The following SLC9A7 variants were observed in gnomAD, a reference collection of about 807,000 sequenced individuals.
SLC9A7 encodes sodium/hydrogen exchanger 7.
In SLC9A7, 19 loss-of-function variants were observed where a neutral mutation model predicts 52.6. The observed-to-expected ratio is 0.36, with a 90% CI of 0.25 to 0.53. The LOEUF (loss-of-function observed/expected upper bound fraction) is 0.53. SLC9A7 is among the 20% of genes least tolerant of loss of function. The pLI, the probability that SLC9A7 is intolerant of heterozygous loss-of-function variation, is 0.91. For synonymous variants in SLC9A7, 226 were observed against 252.1 expected (o/e 0.90, Z 0.98); for missense variants, 455 against 597.9 (o/e 0.76, Z 2.49).
At chrX:46,614,182 A>G (rs1162843720) in intron 15 of SLC9A7, among the ~76,000 whole-genome samples, 1 of 111,638 alleles carries the variant, frequency 9.0e-6, no homozygotes, top group Admixed American at 9.5e-5. Context: ...TTACATCCCA[A>G]TAAGCCCATT....
At chrX:46,625,588 T>A (rs188347562) in intron 14 of SLC9A7, among the ~76,000 whole-genome samples, 46 of 109,941 alleles carry the variant, frequency 4.2e-4, no homozygotes, top group Non-Finnish European at 6.8e-4. Context: ...CACACACCTG[T>A]AATCCCAGCT....
Position 46,606,939 on chromosome X carries a change from C to T in SLC9A7, c.*13G>A. 8.3e-7 allele frequency: 1 copy of T among 1,211,305 alleles called. No homozygotes were observed. Among genetic ancestry groups the T allele is most frequent in the Non-Finnish European group, 1.1e-6 (1 of 895,241 alleles). On this transcript the variant is annotated 3_prime_UTR_variant, in exon 17 of 17. Coordinates refer to ENST00000616978, the MANE Select transcript of SLC9A7 (RefSeq NM_001257291.2). ...GGGAGCCTACCCCATCGCGCCAGGGCTTGGGGGGAAAGTCAAGCATTATCT... is the reference window on the plus strand; with the variant it reads ...GGGAGCCTACCCCATCGCGCCAGGGTTTGGGGGGAAAGTCAAGCATTATCT...
At chrX:46,680,266 T>C (rs1326880338) in intron 2 of SLC9A7, among the ~76,000 whole-genome samples, 1 of 108,731 alleles carries the variant, frequency 9.2e-6, no homozygotes, top group Non-Finnish European at 1.9e-5. Flanking sequence ...GGAGAATCGC[T>C]TGAACCCAGG....
chrX:46,665,820 G>A (rs1264029460), intron 5 of SLC9A7, among the ~76,000 whole-genome samples: 1 of 109,002 alleles, frequency 9.2e-6, no homozygotes, highest in Non-Finnish European at 1.9e-5. Flanking sequence ...GTTCTCTGGT[G>A]GCTGCCTAGG....
chrX:46,639,795 C>CAAAAAAAAAAAA (rs57733200), intron 12 of SLC9A7, among the ~76,000 whole-genome samples: 1 of 90,307 alleles, frequency 1.1e-5, no homozygotes, highest in Non-Finnish European at 2.2e-5. Context: ...AAGAATCTAC[C>CAAAAAAAAAAAA]AAAAAAAAAA....
At chrX:46,692,479 T>C (rs1944393793) in intron 1 of SLC9A7, among the ~76,000 whole-genome samples, 1 of 111,160 alleles carries the variant, frequency 9.0e-6, no homozygotes, top group Non-Finnish European at 1.9e-5. Context: ...ACTCATTTTA[T>C]CCAGATCTCA....
rs929853291 is a variant in SLC9A7 at position 46,633,366 on chromosome X, A to C, written c.1677-1717T>G. 4.5e-4 allele frequency among the ~76,000 whole-genome samples: 44 copies of C among 97,077 alleles called. 1 individual carries two copies. The South Asian group carries it at 0.011, about 25-fold the overall frequency. 84.3% of individuals were successfully genotyped at this position (97,077 alleles called of 115,157 possible). A position where few individuals can be genotyped will look rare whatever the true frequency, so the allele number is the denominator to read the frequency against. The stretch of plus-strand genomic sequence containing the variant: ...AAAAAAAAAAAAAAAAAAAAAAAAA[A>C]AAAAAAAAAAAAAAACAGATCGGGG... On this transcript the variant is annotated intron_variant, in intron 13 of 16. Transcript: ENST00000616978.
intron 14 of SLC9A7, among the ~76,000 whole-genome samples, chrX:46,630,919 C>T (rs766075375): frequency 5.3e-5 from 6 of 112,531 alleles, no homozygotes; most frequent in African/African-American, 1.6e-4. Context: ...AATCCAACTA[C>T]CCAGCAGCCA....
At position 46,607,212 on chromosome X, in the gene SLC9A7, T is replaced by C. The variant is rs1942762674; in HGVS notation, c.1930-9A>G. ...CTCAGTGGCTCTTGGTTCTGAAAAG[T>C]GCAACCAACAACAACAACAAAAATG... is the stretch of plus-strand genomic sequence containing the variant. On this transcript the variant is annotated splice_polypyrimidine_tract_variant and intron_variant, in intron 16 of 16. Transcript: ENST00000616978. 8.3e-6 allele frequency: 10 copies of C among 1,206,269 alleles called. No individual in the cohort carries two copies. Among genetic ancestry groups the C allele is most frequent in the Non-Finnish European group, 1.1e-5 (10 of 892,321 alleles).
At chrX:46,649,701 T>A (rs765842599) in intron 10 of SLC9A7, among the ~76,000 whole-genome samples, 25 of 112,563 alleles carry the variant, frequency 2.2e-4, no homozygotes, top group African/African-American at 7.4e-4. Context: ...ATCTTCTCTG[T>A]CTCCTGCAGG....
intron 15 of SLC9A7, among the ~76,000 whole-genome samples, chrX:46,615,262 C>T (rs763258236): frequency 3.6e-5 from 4 of 112,048 alleles, no homozygotes; most frequent in Non-Finnish European, 5.6e-5. Flanking sequence ...AGGATGGTCT[C>T]GATCTCTTGA....
intron 14 of SLC9A7, among the ~76,000 whole-genome samples, chrX:46,624,336 T>C (rs955904976): frequency 8.9e-6 from 1 of 111,999 alleles, no homozygotes; most frequent in African/African-American, 3.3e-5. Context: ...CCTTAACCTG[T>C]GGGATCTGAC....
intron 1 of SLC9A7, among the ~76,000 whole-genome samples, chrX:46,694,628 C>T (rs185817547): frequency 3.1e-4 from 35 of 111,602 alleles, no homozygotes; most frequent in Admixed American, 2.4e-3. Flanking sequence ...AACCCTCATA[C>T]GCTGCTGGTG....
chrX:46,712,474 G>C (rs745483767), intron 1 of SLC9A7, among the ~76,000 whole-genome samples: 66 of 111,499 alleles, frequency 5.9e-4, no homozygotes, highest in Admixed American at 1.3e-3. Context: ...ATGGCACCAA[G>C]CCATTTATGA....
intron 14 of SLC9A7, among the ~76,000 whole-genome samples, chrX:46,630,144 C>T (rs906280889): frequency 1.8e-5 from 2 of 111,493 alleles, no homozygotes; most frequent in African/African-American, 3.3e-5. Context: ...CTATAAATGC[C>T]TTATCAGGCT....
intron 3 of SLC9A7, among the ~76,000 whole-genome samples, chrX:46,676,831 G>C (rs1201276197): frequency 1.8e-5 from 2 of 111,449 alleles, no homozygotes; most frequent in Non-Finnish European, 3.8e-5. Context: ...TTTTTGTACA[G>C]AAAACCTAAA....
chrX:46,730,694 AT>A (rs1193906115), intron 1 of SLC9A7, among the ~76,000 whole-genome samples: 2 of 75,670 alleles, frequency 2.6e-5, no homozygotes, highest in African/African-American at 8.8e-5. Context: ...ATATATATAT[AT>A]ATATATATAT....
intron 11 of SLC9A7, chrX:46,646,575 G>A (rs1336320753): frequency 1.9e-5 from 4 of 207,847 alleles, no homozygotes; most frequent in Non-Finnish European, 3.8e-5. Context: ...CCCGGCGAAA[G>A]TAGTCTGTCC....
At chrX:46,758,116 C>T (rs1248604550) in intron 1 of SLC9A7, among the ~76,000 whole-genome samples, 1 of 111,631 alleles carries the variant, frequency 9.0e-6, no homozygotes, top group East Asian at 2.8e-4. Context: ...GTGGTGCCAC[C>T]CACTCTGGGT....
Sources: gnomAD v4.1 joint callset for allele counts (sites outside exome capture counted in the v4.1 genomes callset) on GRCh38, gnomAD v4.1.1 for gene constraint, MANE v1.5 for transcripts, NCBI Gene and HGNC (gene_info 2026-07-23, HGNC 2026-07-21) for gene names.